The following ZBTB20 variants were observed in gnomAD, a reference collection of about 807,000 sequenced individuals.
ZBTB20 encodes zinc finger and BTB domain containing 20.
A neutral mutation model predicts 56.9 loss-of-function variants in ZBTB20; 9 were observed. That is an observed-to-expected ratio of 0.16 (90% confidence interval 0.10 to 0.28). ZBTB20 has a LOEUF of 0.28. ZBTB20 is among the 10% of genes least tolerant of loss of function. The probability of loss-of-function intolerance (pLI) is 1.00; values close to 1 mark genes in which losing one functional copy is unlikely to be tolerated. For synonymous variants in ZBTB20, 417 were observed against 420.7 expected (o/e 0.99, Z 0.11); for missense variants, 655 against 1,003.0 (o/e 0.65, Z 4.69).
At chr3:114,642,271 C>T (rs1216247597) in intron 6 of ZBTB20, among the ~76,000 whole-genome samples, 1 of 152,042 alleles carries the variant, frequency 6.6e-6, no homozygotes, top group Non-Finnish European at 1.5e-5. Context: ...ATCTTTCACA[C>T]ACTCTGTCTA....
At chr3:114,819,233 A>C (rs1365859469) in intron 4 of ZBTB20, among the ~76,000 whole-genome samples, 6 of 152,004 alleles carry the variant, frequency 3.9e-5, no homozygotes, top group Non-Finnish European at 7.4e-5. Flanking sequence ...GTATGAAAAC[A>C]TACTATGCTT....
At chr3:114,876,046 C>A (rs918500190) in intron 4 of ZBTB20, among the ~76,000 whole-genome samples, 1 of 151,346 alleles carries the variant, frequency 6.6e-6, no homozygotes, top group South Asian at 2.1e-4. Context: ...CCAGCCTGGG[C>A]AAAACAGCAA....
chr3:114,712,421 C>T (rs1189561676), intron 5 of ZBTB20, among the ~76,000 whole-genome samples: 6 of 151,976 alleles, frequency 3.9e-5, no homozygotes, highest in South Asian at 2.1e-4. Context: ...GAGGCTGAGG[C>T]GGGCTGATCA....
intron 3 of ZBTB20, among the ~76,000 whole-genome samples, chr3:114,962,700 G>A (rs2077500086): frequency 6.6e-6 from 1 of 151,898 alleles, no homozygotes; most frequent in Admixed American, 6.6e-5. Flanking sequence ...CATTTTGACT[G>A]AACAAAAAAC....
At chr3:115,086,560 A>G (rs1048619061) in intron 1 of ZBTB20, among the ~76,000 whole-genome samples, 1 of 151,844 alleles carries the variant, frequency 6.6e-6, no homozygotes, top group Non-Finnish European at 1.5e-5. Context: ...GCTATTTGCA[A>G]GTAGACAGGA....
At chr3:114,525,283 G>A (rs1050039160) in intron 6 of ZBTB20, among the ~76,000 whole-genome samples, 1 of 151,954 alleles carries the variant, frequency 6.6e-6, no homozygotes, top group African/African-American at 2.4e-5. Flanking sequence ...ATTAATAAAT[G>A]CCCCCTATAA....
At chr3:114,481,453 G>T (rs1388522508) in intron 7 of ZBTB20, among the ~76,000 whole-genome samples, 1 of 151,976 alleles carries the variant, frequency 6.6e-6, no homozygotes, top group Non-Finnish European at 1.5e-5. Flanking sequence ...CATTGCATTG[G>T]GAGAGACACA....
At chr3:114,990,987 C>A (rs927290727) in intron 2 of ZBTB20, among the ~76,000 whole-genome samples, 3 of 152,006 alleles carry the variant, frequency 2.0e-5, no homozygotes, top group Admixed American at 1.3e-4. Flanking sequence ...CTATTTGATT[C>A]TTTTCTCTTT....
At chr3:114,429,800 T>C (rs1402188292) in intron 7 of ZBTB20, among the ~76,000 whole-genome samples, 1 of 152,168 alleles carries the variant, frequency 6.6e-6, no homozygotes, top group Non-Finnish European at 1.5e-5. Flanking sequence ...GACCTTACAT[T>C]GCATTAGGTA....
intron 2 of ZBTB20, among the ~76,000 whole-genome samples, chr3:114,975,796 A>G (rs937092091): frequency 6.6e-6 from 1 of 152,220 alleles, no homozygotes; most frequent in African/African-American, 2.4e-5. Context: ...TTTGGTAACT[A>G]CATGATATAT....
chr3:114,702,665 TTGTGTGTG>T (rs137914062), intron 5 of ZBTB20, among the ~76,000 whole-genome samples: 1 of 146,612 alleles, frequency 6.8e-6, no homozygotes, highest in Non-Finnish European at 1.5e-5. Flanking sequence ...TTAGTCTAAA[TTGTGTGTG>T]TGTGTGTGTG....
At chr3:114,695,560 T>C (rs2062958474) in intron 5 of ZBTB20, among the ~76,000 whole-genome samples, 1 of 151,926 alleles carries the variant, frequency 6.6e-6, no homozygotes, top group Non-Finnish European at 1.5e-5. Flanking sequence ...ACGAGATACT[T>C]TCAACTATTT....
intron 7 of ZBTB20, among the ~76,000 whole-genome samples, chr3:114,400,028 G>A (rs186047545): frequency 1.8e-4 from 27 of 152,174 alleles, no homozygotes; most frequent in Admixed American, 1.2e-3. Context: ...ATGAGTAGTA[G>A]AACTTAATCT....
chr3:115,133,198 T>G (rs935885086), intron 1 of ZBTB20, among the ~76,000 whole-genome samples: 2 of 152,202 alleles, frequency 1.3e-5, no homozygotes, highest in African/African-American at 4.8e-5. Context: ...TGCTTTCTAC[T>G]TCTTCTTAGG....
chr3:114,721,118 T>G (rs1475020241), intron 5 of ZBTB20, among the ~76,000 whole-genome samples: 3 of 152,112 alleles, frequency 2.0e-5, no homozygotes, highest in African/African-American at 7.2e-5. Flanking sequence ...GAAACAATGC[T>G]GGAAAGATGG....
At chr3:114,464,627 A>G (rs2092464430) in intron 7 of ZBTB20, among the ~76,000 whole-genome samples, 1 of 152,242 alleles carries the variant, frequency 6.6e-6, no homozygotes, top group Non-Finnish European at 1.5e-5. Flanking sequence ...CTAATAAATG[A>G]ATAAATAAAG....
intron 4 of ZBTB20, among the ~76,000 whole-genome samples, chr3:114,823,288 G>A (rs914436407): frequency 2.0e-5 from 3 of 152,090 alleles, no homozygotes; most frequent in African/African-American, 7.2e-5. Flanking sequence ...TGTTGCCCTG[G>A]AGTAGTGTAC....
chr3:114,491,510 C>A (rs961214943), intron 7 of ZBTB20, among the ~76,000 whole-genome samples: 1 of 152,192 alleles, frequency 6.6e-6, no homozygotes, highest in Non-Finnish European at 1.5e-5. Context: ...CAAATCTACA[C>A]GTGGGCTTGC....
intron 7 of ZBTB20, among the ~76,000 whole-genome samples, chr3:114,485,755 C>T (rs2042047192): frequency 6.6e-6 from 1 of 152,244 alleles, no homozygotes. Context: ...CCCTTTTCCT[C>T]TTCCACCCTT....
Sources: gnomAD v4.1 joint callset for allele counts (sites outside exome capture counted in the v4.1 genomes callset) on GRCh38, gnomAD v4.1.1 for gene constraint, MANE v1.5 for transcripts, NCBI Gene and HGNC (gene_info 2026-07-23, HGNC 2026-07-21) for gene names.